ADGRD1: variants seen among roughly 807,000 people sequenced by gnomAD.
ADGRD1 encodes the protein G-protein coupled receptor 133.
Under a neutral mutation model 113.4 loss-of-function variants are expected in ADGRD1, and 77 were observed. The observed-to-expected ratio is 0.68, with a 90% CI of 0.57 to 0.82. The LOEUF is 0.82. Ranked by LOEUF, ADGRD1 falls within the 40% of genes least tolerant of loss-of-function variation. The pLI, the probability that ADGRD1 is intolerant of heterozygous loss-of-function variation, is 0.00. For missense variants in ADGRD1, 1,036 were observed against 1,139.1 expected, an observed-to-expected ratio of 0.91 and a Z score of 1.30; for synonymous variants, 474 against 475.0, an observed-to-expected ratio of 1.00 and a Z score of 0.03.
In ADGRD1 at chr12:130,984,823, T is replaced by C. The variant is rs7302761; in HGVS notation, c.491-2272T>C. On this transcript the variant is annotated intron_variant, in intron 5 of 24. Transcript: ENST00000261654. This position sits in a 1 kb window ranked among gnomAD's most constrained non-coding sequence, Gnocchi z 4.1. ...TCCCTCCCTCCCTTCCTCCCTCCCT[T>C]CCTTCCTTCCTTCTTGCCTTCCATC... Among the ~76,000 whole-genome samples the C allele has an allele frequency of 0.73, 106,719 of 146,978 alleles. 41,836 individuals are homozygous for C. The highest frequency in any genetic ancestry group is 0.94 in the East Asian group (4,666 of 4,946).
chr12:131,047,499 CAG>C (rs1177641245), intron 13 of ADGRD1, among the ~76,000 whole-genome samples: 3 of 152,176 alleles, frequency 2.0e-5, no homozygotes, highest in Non-Finnish European at 4.4e-5. Flanking sequence ...GGGGCAGATA[CAG>C]AGTCAGGTCA....
rs533034303 is a variant in ADGRD1, at chr12:131,079,132, T to C, written c.1547+2258T>C. On this transcript the variant is annotated intron_variant, in intron 14 of 24. Coordinates refer to ENST00000261654, the MANE Select transcript of ADGRD1 (RefSeq NM_198827.5). ...GAAGCCTTTTGGAGTCTAGCCTCTT[T>C]AATTTTGCATAGTGTGTTGAGCGTC... 2.0e-5 allele frequency among the ~76,000 whole-genome samples: 3 copies of C among 152,324 alleles called. No individual in the cohort carries two copies. The South Asian group carries it at 6.2e-4, about 32-fold the overall frequency.
At chr12:130,990,841 C>CAA in intron 6 of ADGRD1, 173 bp from the exon 7 acceptor site, 1 of 549,314 alleles carries the variant, frequency 1.8e-6, no homozygotes, top group Non-Finnish European at 3.2e-6. Flanking sequence ...ACGGTCGACT[C>CAA]AGTCAGCTGA....
chr12:130,981,850 C>G, intron 4 of ADGRD1, 34 bp from the exon 5 acceptor site: 9 of 1,518,458 alleles, frequency 5.9e-6, no homozygotes, highest in Non-Finnish European at 8.2e-6. Flanking sequence ...GTCCCCTGCT[C>G]TCTGTGAATA....
At chr12:130,992,447 A>C (rs961106812) in intron 8 of ADGRD1, 55 bp downstream of exon 8, 127 of 1,433,482 alleles carry the variant, frequency 8.9e-5, no homozygotes, top group Non-Finnish European at 1.2e-4. Context: ...CCTTACCGGG[A>C]CCATAGATGT....
At chr12:130,979,284 T>A (rs531487771) in intron 4 of ADGRD1, among the ~76,000 whole-genome samples, 10 of 152,338 alleles carry the variant, frequency 6.6e-5, no homozygotes, top group African/African-American at 2.4e-4. Context: ...CTCTTCCAAT[T>A]TTTTTGAGGT....
intron 4 of ADGRD1, among the ~76,000 whole-genome samples, chr12:130,979,924 T>C (rs921556269): frequency 2.0e-5 from 3 of 151,420 alleles, no homozygotes; most frequent in Non-Finnish European, 4.4e-5. Context: ...AGAAGTGGAA[T>C]AGAGACAACC....
intron 8 of ADGRD1, among the ~76,000 whole-genome samples, chr12:130,999,609 T>C (rs1252610467): frequency 1.3e-5 from 2 of 152,216 alleles, no homozygotes; most frequent in South Asian, 2.1e-4. Context: ...CTGATGCTGA[T>C]AGTTGGAGAC....
intron 21 of ADGRD1, 124 bp downstream of exon 21, chr12:131,131,940 C>T (rs1226760818): frequency 1.9e-5 from 13 of 681,094 alleles, no homozygotes; most frequent in African/African-American, 7.2e-5. Flanking sequence ...CCACTTGCTC[C>T]GTGTCCCTGC....
chr12:131,115,079 A>G (rs1188112661), intron 18 of ADGRD1, among the ~76,000 whole-genome samples: 2 of 152,164 alleles, frequency 1.3e-5, no homozygotes, highest in Admixed American at 6.5e-5. Flanking sequence ...GCGTAATGCC[A>G]TGATCACAGG....
At chr12:131,063,435 AT>A (rs1324508878) in intron 13 of ADGRD1, among the ~76,000 whole-genome samples, 1 of 152,048 alleles carries the variant, frequency 6.6e-6, no homozygotes, top group African/African-American at 2.4e-5. Flanking sequence ...TTATGGTTTT[AT>A]TTTTTACATT....
rs572980628 is a variant in ADGRD1 at position 131,037,310 on chromosome 12, T to C, written c.1473+22970T>C. 4.3e-4 allele frequency among the ~76,000 whole-genome samples: 36 copies of C among 83,252 alleles called. 1 individual carries two copies. Among genetic ancestry groups the C allele is most frequent in the Middle Eastern group, 9.3e-3 (1 of 108 alleles). The allele number at this position is 83,252 out of a possible 152,430, so 54.6% of individuals were successfully genotyped here. ...GGTCTCACTCACTGCACCAGGATCT[T>C]ACTCACTGCATGGGGCCTCACTCAC... On this transcript the variant is annotated intron_variant, in intron 13 of 24. Coordinates refer to ENST00000261654, the MANE Select transcript of ADGRD1 (RefSeq NM_198827.5).
chr12:131,010,586 G>A (rs1417090166), intron 12 of ADGRD1, among the ~76,000 whole-genome samples: 8 of 152,170 alleles, frequency 5.3e-5, no homozygotes, highest in Non-Finnish European at 1.0e-4. Context: ...GTAACTTTAA[G>A]TCCCCTCTTT....
chr12:131,005,992 C>T lies in ADGRD1; in HGVS notation c.1276C>T (p.Leu426=), dbSNP rs1321753986. 6 of 1,612,096 alleles carry T rather than the reference C, an allele frequency of 3.7e-6. No individual in the cohort carries two copies. Among genetic ancestry groups the T allele is most frequent in the Admixed American group, 1.7e-5 (1 of 60,024 alleles). The part of the protein sequence containing the change: ...HRHAWSTVVG[L]LYHSMHYYLN... ...TGCAGCCTGGAGCACCGTCGTGGGT[C>T]TGCTGTACCACAGCATGCACTACTA... The change falls in exon 12 of 25, where the codon CTG becomes TTG. Residue 426 remains leucine, a synonymous_variant. Transcript: ENST00000261654.
chr12:131,015,246 T>A (rs1418252330), intron 13 of ADGRD1, among the ~76,000 whole-genome samples: 5 of 152,268 alleles, frequency 3.3e-5, no homozygotes, highest in Non-Finnish European at 5.9e-5. Flanking sequence ...CTTGTGCTGC[T>A]GGGTGAGCTG....
At position 131,003,605 on chromosome 12, in the gene ADGRD1, G is replaced by A. The variant is rs1876678647; in HGVS notation, c.1144+303G>A. On this transcript the variant is annotated intron_variant, in intron 10 of 24. Transcript: ENST00000261654. This position sits in a 1 kb window ranked among gnomAD's most constrained non-coding sequence, Gnocchi z 4.8. Reference sequence around the variant, plus strand: ...GCAGCAGTGCCTGCAAGAGTCTGTGGAATAAAAGGGGTGGCCTCGGGTTTC... The same window carrying A: ...GCAGCAGTGCCTGCAAGAGTCTGTGAAATAAAAGGGGTGGCCTCGGGTTTC... Among the ~76,000 whole-genome samples the A allele has an allele frequency of 6.6e-6, 1 of 152,228 alleles. No individual in the cohort carries two copies. The highest frequency in any genetic ancestry group is 1.5e-5 in the Non-Finnish European group (1 of 68,046).
intron 15 of ADGRD1, among the ~76,000 whole-genome samples, chr12:131,085,512 G>A (rs1886398582): frequency 6.6e-6 from 1 of 152,164 alleles, no homozygotes; most frequent in Non-Finnish European, 1.5e-5. Context: ...CCTTTGGAGA[G>A]CTGTGCCTGG....
intron 12 of ADGRD1, among the ~76,000 whole-genome samples, chr12:131,011,519 G>A (rs1344559529): frequency 1.3e-5 from 2 of 152,134 alleles, no homozygotes; most frequent in African/African-American, 2.4e-5. Context: ...TGTGTCAGGC[G>A]TGGTTCCGGG....
chr12:131,130,759 G>T (rs1040218402), intron 20 of ADGRD1, among the ~76,000 whole-genome samples: 1 of 149,794 alleles, frequency 6.7e-6, no homozygotes. Flanking sequence ...CCGTGCGGGG[G>T]GAGAGCGAAG....
Sources: allele counts gnomAD v4.1 joint callset (sites outside exome capture counted in the v4.1 genomes callset), GRCh38; gene constraint gnomAD v4.1.1; non-coding constraint Gnocchi (gnomAD v3.1); transcripts MANE v1.5; gene names NCBI Gene and HGNC (gene_info 2026-07-23, HGNC 2026-07-21).